The following CTNNB1 variants were observed in gnomAD, a reference collection of about 807,000 sequenced individuals.
The protein encoded by CTNNB1 is catenin beta 1, also known as catenin beta-1.
Under a neutral mutation model 82.5 loss-of-function variants are expected in CTNNB1, and 6 were observed. That is an observed-to-expected ratio of 0.07 (90% CI 0.04 to 0.14). The LOEUF (loss-of-function observed/expected upper bound fraction) is 0.14. CTNNB1 is among the 10% of genes least tolerant of loss of function. The pLI, the probability that CTNNB1 is intolerant of heterozygous loss-of-function variation, is 1.00. For missense variants in CTNNB1, 529 were observed against 980.4 expected (o/e 0.54, Z 6.15); for synonymous variants, 312 against 329.7 (o/e 0.95, Z 0.58).
intron 9 of CTNNB1, 93 bp from the exon 10 acceptor site, chr3:41,234,046 T>C: frequency 6.5e-7 from 1 of 1,548,562 alleles, no homozygotes; most frequent in Non-Finnish European, 8.9e-7. Context: ...GAACTACTTT[T>C]AGTTGATACC....
At chr3:41,200,298 C>CG (rs2077497123) in intron 1 of CTNNB1, 2 of 152,226 alleles carry the variant, frequency 1.3e-5, no homozygotes, top group South Asian at 4.2e-4. Flanking sequence ...CAACTAAACT[C>CG]TAAGTGCAGC....
At chr3:41,213,254 A>C (rs1317570763) in intron 1 of CTNNB1, among the ~76,000 whole-genome samples, 1 of 151,906 alleles carries the variant, frequency 6.6e-6, no homozygotes, top group Non-Finnish European at 1.5e-5. Flanking sequence ...TTTGTGTGTT[A>C]TTTTCTATTT....
intron 1 of CTNNB1, among the ~76,000 whole-genome samples, chr3:41,206,166 T>A (rs2077643524): frequency 6.6e-6 from 1 of 152,256 alleles, no homozygotes; most frequent in Non-Finnish European, 1.5e-5. Flanking sequence ...GTTGCTGGAC[T>A]AATTCTTTTT....
intron 1 of CTNNB1, chr3:41,220,442 TGAAG>T (rs2078020808): frequency 9.3e-6 from 1 of 108,082 alleles, no homozygotes; most frequent in Admixed American, 1.4e-4. Context: ...AAGAAAGCTG[TGAAG>T]GAAGAAAGCA....
At chr3:41,236,734 A>G (rs769470183) in intron 13 of CTNNB1, 25 bp downstream of exon 13, 5 of 1,613,902 alleles carry the variant, frequency 3.1e-6, no homozygotes, top group Non-Finnish European at 1.7e-6. Flanking sequence ...GCAGTTATTT[A>G]TCTGGTAGTT....
rs1467622660 is a variant in CTNNB1, at chr3:41,225,852, A to G, written c.927A>G (p.Gln309=). 3.1e-6 allele frequency: 5 copies of G among 1,612,826 alleles called. No homozygotes were observed. The highest frequency in any genetic ancestry group is 4.2e-6 in the Non-Finnish European group (5 of 1,179,268). Reference sequence around the variant, plus strand: ...TTCAAATTTTAGCTTATGGCAACCAAGAAAGCAAGGTAAGAGAATTATTCT... The same window carrying G: ...TTCAAATTTTAGCTTATGGCAACCAGGAAAGCAAGGTAAGAGAATTATTCT... ...DCLQILAYGN[Q]ESKLIILASG... The change falls in exon 6 of 15, where the codon CAA becomes CAG. Residue 309 remains glutamine (Q), a synonymous_variant. Coordinates refer to ENST00000349496, the MANE Select transcript of CTNNB1 (RefSeq NM_001904.4). This position sits in a 1 kb window ranked among gnomAD's most constrained non-coding sequence, Gnocchi z 5.3.
intron 1 of CTNNB1, among the ~76,000 whole-genome samples, chr3:41,215,000 GAA>G (rs1370855778): frequency 6.6e-6 from 1 of 151,988 alleles, no homozygotes. Flanking sequence ...ATGCTTTACA[GAA>G]AAAGTTTCCT....
rs1280687576 is a variant in CTNNB1, at chr3:41,225,357, T to C, written c.519T>C (p.Val173=). The C allele has an allele frequency of 1.2e-6, 2 of 1,614,066 alleles. No homozygotes were observed. Among genetic ancestry groups the C allele is most frequent in the South Asian group, 1.1e-5 (1 of 91,086 alleles). Residue 173 remains valine, a synonymous_variant, in exon 5 of 15, where the codon GTT becomes GTC. Coordinates refer to ENST00000349496, the MANE Select transcript of CTNNB1 (RefSeq NM_001904.4). This position sits in a 1 kb window ranked among gnomAD's most constrained non-coding sequence, Gnocchi z 5.3. ...AGGTGGTGGTTAATAAGGCTGCAGTTATGGTCCATCAGCTTTCTAAAAAGG... is the reference window on the plus strand; with the variant it reads ...AGGTGGTGGTTAATAAGGCTGCAGTCATGGTCCATCAGCTTTCTAAAAAGG... The part of the protein sequence containing the change: ...EDQVVVNKAA[V]MVHQLSKKEA...
chr3:41,230,794 C>T (rs2078288615), intron 7 of CTNNB1, among the ~76,000 whole-genome samples: 1 of 152,160 alleles, frequency 6.6e-6, no homozygotes, highest in African/African-American at 2.4e-5. Context: ...ACACCATGTG[C>T]TATGTCTTAG....
In CTNNB1 at chr3:41,225,814, A is replaced by G. The variant is rs2125624689; in HGVS notation, c.889A>G (p.Thr297Ala). The G allele has an allele frequency of 6.2e-7, 1 of 1,614,072 alleles. No homozygotes were observed. The highest frequency in any genetic ancestry group is 8.5e-7 in the Non-Finnish European group (1 of 1,179,984). ...NKTNVKFLAI[T>A]TDCLQILAYG... ...AACAAATGTTAAATTCTTGGCTATTACGACAGACTGCCTTCAAATTTTAGC... is the reference window on the plus strand; with the variant it reads ...AACAAATGTTAAATTCTTGGCTATTGCGACAGACTGCCTTCAAATTTTAGC... Residue 297 changes from threonine to alanine, a missense_variant, in exon 6 of 15, where the codon ACG becomes GCG. Thr to Ala is a moderately conservative substitution (Grantham distance 58, BLOSUM62 0). Around this residue, in one of 4 missense-constraint regions of CTNNB1, gnomAD observed 411 missense variants for 776.4 expected, o/e 0.53. Coordinates refer to ENST00000349496, the MANE Select transcript of CTNNB1 (RefSeq NM_001904.4). This position sits in a 1 kb window ranked among gnomAD's most constrained non-coding sequence, Gnocchi z 5.3.
At position 41,225,018 on chromosome 3, in the gene CTNNB1, A is replaced by G; in HGVS notation, c.306A>G (p.Thr102=). 6.2e-7 allele frequency: 1 copy of G among 1,613,546 alleles called. No individual in the cohort carries two copies. The highest frequency in any genetic ancestry group is 8.5e-7 in the Non-Finnish European group (1 of 1,179,810). Residue 102 remains threonine, a synonymous_variant, in exon 4 of 15, where the codon ACA becomes ACG. Transcript: ENST00000349496. This position sits in a 1 kb window ranked among gnomAD's most constrained non-coding sequence, Gnocchi z 5.3. The stretch of plus-strand genomic sequence containing the variant: ...TACGAGCTGCTATGTTCCCTGAGAC[A>G]TTAGATGAGGGCATGCAGATCCCAT... The part of the protein sequence containing the change: ...QRVRAAMFPE[T]LDEGMQIPST...
intron 3 of CTNNB1, 73 bp downstream of exon 3, chr3:41,224,826 A>G: frequency 6.3e-7 from 1 of 1,593,140 alleles, no homozygotes; most frequent in Middle Eastern, 1.8e-4. Flanking sequence ...TTAGTGTATA[A>G]TAGTTTAAAT....
chr3:41,228,909 T>G (rs759154334), intron 7 of CTNNB1, among the ~76,000 whole-genome samples: 5 of 152,340 alleles, frequency 3.3e-5, no homozygotes, highest in Middle Eastern at 3.4e-3. Context: ...GTACATCATG[T>G]AAGGATGGGG....
At chr3:41,224,499 A>G (rs2078127565) in intron 2 of CTNNB1, 27 bp from the exon 3 acceptor site, 1 of 1,570,364 alleles carries the variant, frequency 6.4e-7, no homozygotes. Flanking sequence ...CCAATCTACT[A>G]ATGCTAATAC....
At chr3:41,206,467 T>C (rs2077651577) in intron 1 of CTNNB1, among the ~76,000 whole-genome samples, 1 of 152,188 alleles carries the variant, frequency 6.6e-6, no homozygotes, top group African/African-American at 2.4e-5. Flanking sequence ...TAAAAATGTG[T>C]AAGAAGTTAA....
chr3:41,237,844 G>T, intron 13 of CTNNB1, 172 bp from the exon 14 acceptor site: 2 of 610,448 alleles, frequency 3.3e-6, no homozygotes, highest in Non-Finnish European at 2.9e-6. Context: ...AAAAAAAAAT[G>T]TATCTTTGAG....
chr3:41,220,978 G>A (rs1403199536), intron 1 of CTNNB1: 2 of 152,244 alleles, frequency 1.3e-5, no homozygotes, highest in Admixed American at 6.5e-5. Flanking sequence ...GGTTAAAATC[G>A]GAAATAGCAC....
At chr3:41,218,677 C>T (rs2077969341) in intron 1 of CTNNB1, among the ~76,000 whole-genome samples, 1 of 152,226 alleles carries the variant, frequency 6.6e-6, no homozygotes, top group African/African-American at 2.4e-5. Flanking sequence ...GCTGGGACTA[C>T]AGCGGCATAT....
chr3:41,227,476 GC>G, intron 7 of CTNNB1, 124 bp downstream of exon 7: 4 of 1,012,302 alleles, frequency 4.0e-6, no homozygotes, highest in Non-Finnish European at 6.1e-6. Flanking sequence ...TCAGTTTGCA[GC>G]CAAGATTTAC....
Sources: allele counts gnomAD v4.1 joint callset (sites outside exome capture counted in the v4.1 genomes callset), GRCh38; gene constraint gnomAD v4.1.1; regional missense constraint gnomAD v4.1.1; non-coding constraint Gnocchi (gnomAD v3.1); transcripts MANE v1.5; gene names NCBI Gene and HGNC (gene_info 2026-07-23, HGNC 2026-07-21).